GPC5: variants seen among roughly 807,000 people sequenced by gnomAD.
The protein encoded by GPC5 is glypican-5.
GPC5 carries 47 observed loss-of-function variants against 53.9 expected under a neutral mutation model. That is an observed-to-expected ratio of 0.87 (90% CI 0.69 to 1.11). GPC5 has a LOEUF of 1.11. Among genes scored for constraint, GPC5 ranks in the 50% most tolerant of loss-of-function variants. The pLI is 0.00. For synonymous variants in GPC5, 286 were observed against 263.3 expected, an observed-to-expected ratio of 1.09 and a Z score of -0.84; for missense variants, 748 against 713.1, an observed-to-expected ratio of 1.05 and a Z score of -0.56.
At chr13:91,559,223 T>C (rs942190846) in intron 2 of GPC5, among the ~76,000 whole-genome samples, 1 of 152,136 alleles carries the variant, frequency 6.6e-6, no homozygotes, top group Admixed American at 6.5e-5. Context: ...TTGACTATGA[T>C]GAAAGCCAAC....
At chr13:91,539,187 C>T (rs1232537374) in intron 2 of GPC5, among the ~76,000 whole-genome samples, 1 of 152,108 alleles carries the variant, frequency 6.6e-6, no homozygotes, top group African/African-American at 2.4e-5. Context: ...TTTGACATAA[C>T]ATGTTGAAAA....
At chr13:92,757,503 C>A (rs1439367519) in intron 7 of GPC5, among the ~76,000 whole-genome samples, 1 of 152,114 alleles carries the variant, frequency 6.6e-6, no homozygotes, top group Non-Finnish European at 1.5e-5. Context: ...AACTAAAGAG[C>A]TTCTGTACAG....
At chr13:92,353,258 C>A (rs1460022549) in intron 7 of GPC5, among the ~76,000 whole-genome samples, 1 of 56,474 alleles carries the variant, frequency 1.8e-5, no homozygotes, top group African/African-American at 7.9e-5. Context: ...CAGAGCGAGA[C>A]TCCGTCTCAA....
chr13:92,179,649 G>T lies in GPC5; in HGVS notation c.1561+34660G>T, dbSNP rs532934055. Among the ~76,000 whole-genome samples the T allele has an allele frequency of 1.2e-4, 19 of 152,328 alleles. No homozygotes were observed. In the South Asian group the frequency reaches 1.7e-3, roughly 13 times the overall value. Reference sequence around the variant, plus strand: ...GTAGGCTACTTCTAGCTAAATGATAGATTACTTATACTATAATGTTATATT... The same window carrying T: ...GTAGGCTACTTCTAGCTAAATGATATATTACTTATACTATAATGTTATATT... On this transcript the variant is annotated intron_variant, in intron 7 of 7. Transcript: ENST00000377067.
Position 92,650,865 on chromosome 13 carries a change from G to A in GPC5, c.1562-215417G>A, listed in dbSNP as rs145461023. Among the ~76,000 whole-genome samples the A allele has an allele frequency of 1.8e-4, 27 of 152,158 alleles. 1 individual carries two copies. In the East Asian group the frequency reaches 5.0e-3, roughly 28 times the overall value. ...GTGGAGGTTTGTTGCATAGGTATAC[G>A]TGTGCCACGGTGGTTTGCTGCATCT... On this transcript the variant is annotated intron_variant, in intron 7 of 7. Coordinates refer to ENST00000377067, the MANE Select transcript of GPC5 (RefSeq NM_004466.6).
At chr13:91,415,330 C>T (rs967436397) in intron 1 of GPC5, among the ~76,000 whole-genome samples, 4 of 152,170 alleles carry the variant, frequency 2.6e-5, no homozygotes, top group African/African-American at 9.7e-5. Flanking sequence ...ACTATCTAGA[C>T]GCTTGTGGAG....
chr13:91,790,323 C>T (rs1311916474), intron 5 of GPC5, among the ~76,000 whole-genome samples: 1 of 152,168 alleles, frequency 6.6e-6, no homozygotes, highest in African/African-American at 2.4e-5. Flanking sequence ...AAGGCATACA[C>T]TCTTAATACT....
At chr13:91,725,408 C>T (rs1169977399) in intron 3 of GPC5, among the ~76,000 whole-genome samples, 1 of 152,062 alleles carries the variant, frequency 6.6e-6, no homozygotes, top group Non-Finnish European at 1.5e-5. Flanking sequence ...TTGAAAGGTG[C>T]CACCCAAATT....
chr13:91,873,380 G>A (rs375545328), intron 5 of GPC5, among the ~76,000 whole-genome samples: 3 of 151,870 alleles, frequency 2.0e-5, no homozygotes, highest in Admixed American at 1.3e-4. Flanking sequence ...CTGTGTCCCC[G>A]CCCAAATCTC....
intron 2 of GPC5, among the ~76,000 whole-genome samples, chr13:91,641,341 A>G (rs931451289): frequency 2.6e-5 from 4 of 152,180 alleles, no homozygotes; most frequent in African/African-American, 9.6e-5. Context: ...AACAAATCAA[A>G]ACAAAACAAA....
rs74924974 is a variant in GPC5, at chr13:91,884,926, C to G, written c.1281-23011C>G. On this transcript the variant is annotated intron_variant, in intron 5 of 7. Coordinates refer to ENST00000377067, the MANE Select transcript of GPC5 (RefSeq NM_004466.6). ...ATTAAAATCCTTTCTATCTTACTGA[C>G]AAGTCTTACTATCTTGTTTTATAAC... Among the ~76,000 whole-genome samples, 5 of 152,192 alleles carry G rather than the reference C, an allele frequency of 3.3e-5. No homozygotes were observed. In the East Asian group the frequency reaches 7.7e-4, roughly 23 times the overall value.
At chr13:92,460,589 G>T (rs908162988) in intron 7 of GPC5, among the ~76,000 whole-genome samples, 3 of 152,162 alleles carry the variant, frequency 2.0e-5, no homozygotes, top group African/African-American at 7.2e-5. Flanking sequence ...GGCTTATGCA[G>T]TAGTCCTTGA....
intron 5 of GPC5, among the ~76,000 whole-genome samples, chr13:91,772,171 T>C (rs2037636529): frequency 6.6e-6 from 1 of 152,234 alleles, no homozygotes; most frequent in Non-Finnish European, 1.5e-5. Context: ...TTTTCTTCCC[T>C]ATTTATTTTA....
intron 5 of GPC5, among the ~76,000 whole-genome samples, chr13:91,880,114 T>A (rs1459495908): frequency 2.0e-5 from 3 of 151,734 alleles, no homozygotes; most frequent in African/African-American, 4.9e-5. Context: ...GGACTTAAAA[T>A]TTTTTTTAAA....
At position 92,838,883 on chromosome 13, in the gene GPC5, A is replaced by C. The variant is rs148696514; in HGVS notation, c.1562-27399A>C. Among the ~76,000 whole-genome samples the C allele has an allele frequency of 1.9e-3, 284 of 152,358 alleles. 1 individual carries two copies. The highest frequency in any genetic ancestry group is 6.8e-3 in the African/African-American group (281 of 41,586). On this transcript the variant is annotated intron_variant, in intron 7 of 7. Coordinates refer to ENST00000377067, the MANE Select transcript of GPC5 (RefSeq NM_004466.6). ...AAAACAAGTCAAAAAATAACTCTAC[A>C]GAATCAAGAGACCACAAGCTGCCAT...
intron 7 of GPC5, among the ~76,000 whole-genome samples, chr13:92,520,324 A>G (rs1880989371): frequency 6.6e-6 from 1 of 152,058 alleles, no homozygotes; most frequent in African/African-American, 2.4e-5. Flanking sequence ...GAGACACAAC[A>G]AAAAAAGAGA....
chr13:92,789,542 C>T (rs761599421), intron 7 of GPC5, among the ~76,000 whole-genome samples: 4 of 152,044 alleles, frequency 2.6e-5, no homozygotes, highest in Non-Finnish European at 5.9e-5. Context: ...ATTCTATACA[C>T]TTCACAAATA....
At chr13:92,590,633 C>G (rs1883682380) in intron 7 of GPC5, among the ~76,000 whole-genome samples, 1 of 152,168 alleles carries the variant, frequency 6.6e-6, no homozygotes, top group South Asian at 2.1e-4. Context: ...ATATCTGGAA[C>G]CGAGGACTCC....
chr13:92,765,830 G>A (rs12428762), intron 7 of GPC5, among the ~76,000 whole-genome samples: 9,695 of 151,916 alleles, frequency 0.064, 821 homozygotes, highest in East Asian at 0.37. Flanking sequence ...GTATGTGCCA[G>A]GAAGCAAAAT....
Sources: allele counts gnomAD v4.1 joint callset (sites outside exome capture counted in the v4.1 genomes callset), GRCh38; gene constraint gnomAD v4.1.1; transcripts MANE v1.5; gene names NCBI Gene and HGNC (gene_info 2026-07-23, HGNC 2026-07-21).